TMEM175: variants seen among roughly 807,000 people sequenced by gnomAD.
The protein encoded by TMEM175 is endosomal/lysosomal proton channel TMEM175.
TMEM175 carries 36 observed loss-of-function variants against 36.5 expected under a neutral mutation model. That is an observed-to-expected ratio of 0.99 (90% CI 0.76 to 1.30). The LOEUF (loss-of-function observed/expected upper bound fraction) is 1.30, where lower values mean the gene tolerates loss of function less well. Among genes scored for constraint, TMEM175 ranks in the 50% most tolerant of loss-of-function variants. TMEM175 has a pLI of 0.00. For synonymous variants in TMEM175, 339 were observed against 313.4 expected (o/e 1.08, Z -0.86); for missense variants, 705 against 692.8 (o/e 1.02, Z -0.20).
chr4:941,247 G>A (rs1040681751), intron 1 of TMEM175, among the ~76,000 whole-genome samples: 9 of 149,510 alleles, frequency 6.0e-5, no homozygotes, highest in African/African-American at 2.2e-4. Flanking sequence ...GTTATGGCAG[G>A]CACCTGTAAT....
At chr4:952,307 G>A (rs1682431772) in intron 6 of TMEM175, 60 bp from the exon 7 acceptor site, 5 of 1,510,600 alleles carry the variant, frequency 3.3e-6, no homozygotes, top group Non-Finnish European at 4.6e-6. Context: ...CCCAGTTCCA[G>A]GCTCTGGGGC....
At chr4:952,040 A>G in intron 6 of TMEM175, 1 of 581,372 alleles carries the variant, frequency 1.7e-6, no homozygotes. Flanking sequence ...TGTACTACTC[A>G]GGCTGTGAAA....
In TMEM175 at chr4:953,178, C is replaced by A. The variant is rs1233860519; in HGVS notation, c.463-12C>A. 1.3e-6 allele frequency: 2 copies of A among 1,596,324 alleles called. No homozygotes were observed. The highest frequency in any genetic ancestry group is 1.7e-6 in the Non-Finnish European group (2 of 1,169,292). ...CTTGGGGCCTGTGTCCTACAGCTTG[C>A]TTTTCCCGCAGGCACTGATTGTGGG... On this transcript the variant is annotated splice_polypyrimidine_tract_variant and intron_variant, in intron 7 of 10. Transcript: ENST00000264771.
intron 9 of TMEM175, 114 bp downstream of exon 9, chr4:955,597 TG>T: frequency 7.0e-7 from 1 of 1,432,872 alleles, no homozygotes; most frequent in Non-Finnish European, 9.6e-7. Flanking sequence ...TGGTGGTGGC[TG>T]GGGCTCCCCC....
Position 958,571 on chromosome 4 carries a change from CA to C in TMEM175, c.*77del. On this transcript the variant is annotated 3_prime_UTR_variant, in exon 11 of 11. Coordinates refer to ENST00000264771, the MANE Select transcript of TMEM175 (RefSeq NM_032326.4). ...GGACAGGATGCTGGGCAGGGGAAGC[CA>C]AGTCACGGGCAGGCCGCAGTGGTTC... The C allele has an allele frequency of 7.8e-7, 1 of 1,287,454 alleles. No homozygotes were observed. Among genetic ancestry groups the C allele is most frequent in the Admixed American group, 2.9e-5 (1 of 34,314 alleles). 79.8% of individuals were successfully genotyped at this position (1,287,454 alleles called of 1,614,324 possible). A position where few individuals can be genotyped will look rare whatever the true frequency, so the allele number is the denominator to read the frequency against.
At chr4:955,710 C>A in intron 9 of TMEM175, 45 bp from the exon 10 acceptor site, 1 of 1,600,568 alleles carries the variant, frequency 6.2e-7, no homozygotes. Context: ...GCTCTACCTC[C>A]ACATGGGGGG....
In TMEM175 at chr4:947,697, CT is replaced by C; in HGVS notation, c.-31-9del. On this transcript the variant is annotated splice_polypyrimidine_tract_variant and intron_variant, in intron 1 of 10. Coordinates refer to ENST00000264771, the MANE Select transcript of TMEM175 (RefSeq NM_032326.4). The stretch of plus-strand genomic sequence containing the variant: ...GCCCCACAGGCACACTCAGACCTGC[CT>C]TTCCTCCCAGGCTCCTGTAACCGCC... 1 of 1,567,292 alleles carries C rather than the reference CT, an allele frequency of 6.4e-7. No individual in the cohort carries two copies. Among genetic ancestry groups the C allele is most frequent in the Non-Finnish European group, 8.6e-7 (1 of 1,156,124 alleles).
chr4:932,868 T>A lies in TMEM175; in HGVS notation c.-32+328T>A, dbSNP rs1449810890. On this transcript the variant is annotated intron_variant, in intron 1 of 10. Coordinates refer to ENST00000264771, the MANE Select transcript of TMEM175 (RefSeq NM_032326.4). This position sits in a 1 kb window ranked among gnomAD's most constrained non-coding sequence, Gnocchi z 4.0. ...AGGCAGTTTGCAGGGGAAACGCTGC[T>A]GCATTGCTCTGTCTTCCGAGGAGAG... Among the ~76,000 whole-genome samples the A allele has an allele frequency of 6.6e-6, 1 of 152,212 alleles. No individual in the cohort carries two copies.
intron 1 of TMEM175, among the ~76,000 whole-genome samples, chr4:938,712 TTA>T (rs746324349): frequency 1.4e-4 from 21 of 152,192 alleles, no homozygotes; most frequent in Non-Finnish European, 2.5e-4. Flanking sequence ...TGTGCAAGAC[TTA>T]TATGCTGAAA....
chr4:957,930 T>C lies in TMEM175; in HGVS notation c.949T>C (p.Phe317Leu), dbSNP rs1275538189. 6.2e-7 allele frequency: 1 copy of C among 1,612,890 alleles called. No homozygotes were observed. The highest frequency in any genetic ancestry group is 1.7e-5 in the Admixed American group (1 of 60,016). Residue 317 changes from phenylalanine (F) to leucine (L), a missense_variant, in exon 11 of 11, where the codon TTC (phenylalanine) becomes CTC (leucine). Transcript: ENST00000264771. ...GCGCTTCCTGGCGTACTTCGGCTCCTTCGCCACAGTGGGACTGCTGTGGTT... is the reference window on the plus strand; with the variant it reads ...GCGCTTCCTGGCGTACTTCGGCTCCCTCGCCACAGTGGGACTGCTGTGGTT... The part of the protein sequence containing the change: ...GPRFLAYFGS[F>L]ATVGLLWFAH...
Position 958,111 on chromosome 4 carries a change from G to C in TMEM175, c.1130G>C (p.Arg377Pro), listed in dbSNP as rs751828848. The C allele has an allele frequency of 6.2e-7, 1 of 1,604,234 alleles. No individual in the cohort carries two copies. Among genetic ancestry groups the C allele is most frequent in the Non-Finnish European group, 8.5e-7 (1 of 1,179,826 alleles). The change falls in exon 11 of 11, where the codon CGT becomes CCT. Residue 377 changes from arginine (R) to proline (P), a missense_variant. Physicochemically the swap from Arg to Pro is moderately radical, Grantham distance 103 (BLOSUM62 -2). Coordinates refer to ENST00000264771, the MANE Select transcript of TMEM175 (RefSeq NM_032326.4). ...RQPRDELERV[R>P]VSCTIIFLAS... ...CCCCGCGATGAGCTGGAGCGCGTGC[G>C]TGTCAGCTGCACCATCATCTTCCTG... is the stretch of plus-strand genomic sequence containing the variant.
chr4:955,695 C>T (rs1022626448), intron 9 of TMEM175, 60 bp from the exon 10 acceptor site: 24 of 1,585,596 alleles, frequency 1.5e-5, no homozygotes, highest in Middle Eastern at 2.1e-4. Context: ...GTGACAGCCA[C>T]GCGGGCTCTA....
intron 10 of TMEM175, chr4:956,404 G>C: frequency 7.8e-7 from 1 of 1,288,972 alleles, no homozygotes; most frequent in Non-Finnish European, 1.0e-6. Flanking sequence ...GTTAGAGCGC[G>C]CGTCTCGTCT....
At chr4:939,860 A>G (rs1421279780) in intron 1 of TMEM175, among the ~76,000 whole-genome samples, 1 of 152,242 alleles carries the variant, frequency 6.6e-6, no homozygotes, top group African/African-American at 2.4e-5. Flanking sequence ...TTTAGCCATG[A>G]CACTAAAAGC....
chr4:947,198 G>A (rs889412340), intron 1 of TMEM175, among the ~76,000 whole-genome samples: 13 of 148,584 alleles, frequency 8.7e-5, no homozygotes, highest in South Asian at 4.3e-4. Flanking sequence ...GGGAGAGCGC[G>A]GCCCCTGTAG....
chr4:958,418 C>G lies in TMEM175; in HGVS notation c.1437C>G (p.Leu479=). The part of the protein sequence containing the change: ...ALATLRVLRG[L]ARPEHPPPAP... Reference sequence around the variant, plus strand: ...CCACCCTGCGGGTCCTGCGGGGCCTCGCCCGGCCCGAACACCCCCCGCCAG... The same window carrying G: ...CCACCCTGCGGGTCCTGCGGGGCCTGGCCCGGCCCGAACACCCCCCGCCAG... The change falls in exon 11 of 11, where the codon CTC becomes CTG. Residue 479 remains leucine (L), a synonymous_variant. Coordinates refer to ENST00000264771, the MANE Select transcript of TMEM175 (RefSeq NM_032326.4). The G allele has an allele frequency of 1.9e-6, 3 of 1,597,042 alleles. No individual in the cohort carries two copies. Among genetic ancestry groups the G allele is most frequent in the Non-Finnish European group, 2.5e-6 (3 of 1,177,810 alleles).
At chr4:935,685 G>C (rs962517338) in intron 1 of TMEM175, among the ~76,000 whole-genome samples, 2 of 152,120 alleles carry the variant, frequency 1.3e-5, no homozygotes, top group African/African-American at 4.8e-5. Flanking sequence ...AATGTTTATG[G>C]AACACTCCCC....
chr4:954,460 T>C (rs1398041894), intron 8 of TMEM175, among the ~76,000 whole-genome samples: 1 of 151,708 alleles, frequency 6.6e-6, no homozygotes, highest in African/African-American at 2.4e-5. Context: ...ACAAAAGCAC[T>C]GCTGGAGACG....
intron 1 of TMEM175, among the ~76,000 whole-genome samples, chr4:934,084 G>T (rs1249913976): frequency 6.6e-6 from 1 of 152,250 alleles, no homozygotes; most frequent in Non-Finnish European, 1.5e-5. Flanking sequence ...TGATACAACT[G>T]CAATTCAACG....
Sources: allele counts gnomAD v4.1 joint callset (sites outside exome capture counted in the v4.1 genomes callset), GRCh38; gene constraint gnomAD v4.1.1; non-coding constraint Gnocchi (gnomAD v3.1); transcripts MANE v1.5; gene names NCBI Gene and HGNC (gene_info 2026-07-23, HGNC 2026-07-21).